Variants in DLG2 observed in about 807,000 individuals in gnomAD.
DLG2 encodes the protein disks large homolog 2.
In DLG2, 45 loss-of-function variants were observed where a neutral mutation model predicts 132.5. The ratio of observed to expected loss-of-function variants is 0.34; its 90% CI spans 0.27 to 0.44. DLG2 has a LOEUF of 0.44. DLG2 is among the 20% of genes least tolerant of loss of function. DLG2 has a pLI of 1.00. For missense variants in DLG2, 1,045 were observed against 1,196.9 expected (o/e 0.87, Z 1.87); for synonymous variants, 424 against 419.6 (o/e 1.01, Z -0.13).
At chr11:85,513,287 C>T (rs775861816) in intron 3 of DLG2, among the ~76,000 whole-genome samples, 11 of 151,946 alleles carry the variant, frequency 7.2e-5, no homozygotes, top group East Asian at 1.9e-4. Flanking sequence ...CAAACCTCAA[C>T]GTCATACAAT....
chr11:85,057,853 T>C (rs1440651982), intron 6 of DLG2, among the ~76,000 whole-genome samples: 2 of 151,498 alleles, frequency 1.3e-5, no homozygotes, highest in Non-Finnish European at 3.0e-5. Context: ...AAAAAAAATA[T>C]GGTAATTTTA....
At chr11:85,264,052 A>G (rs563499237) in intron 4 of DLG2, among the ~76,000 whole-genome samples, 1 of 152,252 alleles carries the variant, frequency 6.6e-6, no homozygotes, top group Admixed American at 6.5e-5. Flanking sequence ...GGTTATGTGT[A>G]GAGCAAGGTA....
At chr11:85,532,700 A>C (rs552276659) in intron 3 of DLG2, among the ~76,000 whole-genome samples, 8 of 152,292 alleles carry the variant, frequency 5.3e-5, no homozygotes, top group African/African-American at 1.9e-4. Context: ...ACTGGAAGAG[A>C]ATACTCTTCC....
chr11:85,027,992 G>C (rs1171784759), intron 6 of DLG2, among the ~76,000 whole-genome samples: 1 of 152,202 alleles, frequency 6.6e-6, no homozygotes, highest in Non-Finnish European at 1.5e-5. Flanking sequence ...GTAGAATGAG[G>C]TACATGGATA....
rs140667305 is a variant in DLG2, at chr11:84,579,188, C to CGTGTGTGTGT, written c.358-44467_358-44458dup. 1.4e-3 allele frequency among the ~76,000 whole-genome samples: 202 copies of CGTGTGTGTGT among 145,688 alleles called. 1 individual carries two copies. In the South Asian group the frequency reaches 0.017, roughly 12 times the overall value. ...GAACTAATACACCTTGCATTATTCA[C>CGTGTGTGTGT]GTGTGTGTGTGTGTGTGTGTGTGTG... On this transcript the variant is annotated intron_variant, in intron 6 of 27. Coordinates refer to ENST00000376104, the MANE Select transcript of DLG2 (RefSeq NM_001142699.3).
chr11:85,111,747 T>C lies in DLG2; in HGVS notation c.283-12A>G. On this transcript the variant is annotated splice_polypyrimidine_tract_variant and intron_variant, in intron 5 of 27. Transcript: ENST00000376104. ...CTGCCTTGGTTTTGCTGCAAATAAG[T>C]AAAAATTATATTATATTCTATTTAT... is the stretch of plus-strand genomic sequence containing the variant. 6.5e-7 allele frequency: 1 copy of C among 1,545,100 alleles called. No individual in the cohort carries two copies. Among genetic ancestry groups the C allele is most frequent in the South Asian group, 1.2e-5 (1 of 83,584 alleles).
chr11:83,739,134 CA>C (rs1329433639), intron 18 of DLG2, among the ~76,000 whole-genome samples: 4 of 152,078 alleles, frequency 2.6e-5, no homozygotes, highest in Non-Finnish European at 5.9e-5. Flanking sequence ...ACTGTGCCCC[CA>C]TTTGAATTCT....
intron 15 of DLG2, among the ~76,000 whole-genome samples, chr11:83,880,690 G>T (rs1031676913): frequency 1.3e-5 from 2 of 152,210 alleles, no homozygotes; most frequent in African/African-American, 2.4e-5. Context: ...AGAAGTGCAT[G>T]TGTGTAAAGG....
intron 18 of DLG2, among the ~76,000 whole-genome samples, chr11:83,656,449 TCTC>T (rs1029026374): frequency 9.9e-5 from 15 of 152,044 alleles, no homozygotes; most frequent in Non-Finnish European, 1.5e-4. Context: ...ACTCAGAACT[TCTC>T]CTCCTGAGCC....
rs1412374371 is a variant in DLG2 at position 84,648,777 on chromosome 11, G to GTGTA, written c.358-114047_358-114046insTACA. On this transcript the variant is annotated intron_variant, in intron 6 of 27. Transcript: ENST00000376104. ...TCTCTCTCTATATATACATGTGTGT[G>GTGTA]TATATATATATATATCTCACACACA... Among the ~76,000 whole-genome samples, 6 of 150,004 alleles carry GTGTA rather than the reference G, an allele frequency of 4.0e-5. No homozygotes were observed. In the East Asian group the frequency reaches 1.2e-3, roughly 29 times the overall value.
chr11:85,519,099 G>C (rs1185094480), intron 3 of DLG2, among the ~76,000 whole-genome samples: 1 of 152,186 alleles, frequency 6.6e-6, no homozygotes, highest in Non-Finnish European at 1.5e-5. Flanking sequence ...CACTAGGGCA[G>C]TGCAGAAGGG....
intron 7 of DLG2, among the ~76,000 whole-genome samples, chr11:84,406,071 T>C (rs898547700): frequency 1.3e-5 from 2 of 152,162 alleles, no homozygotes; most frequent in African/African-American, 4.8e-5. Context: ...TCATTTTCTT[T>C]ACAAGCAACT....
At chr11:84,992,285 T>C (rs940296034) in intron 6 of DLG2, among the ~76,000 whole-genome samples, 1 of 152,224 alleles carries the variant, frequency 6.6e-6, no homozygotes, top group East Asian at 1.9e-4. Context: ...TTGGATTGTG[T>C]GGTTATTTAT....
intron 7 of DLG2, among the ~76,000 whole-genome samples, chr11:84,339,608 C>T (rs545469065): frequency 6.6e-6 from 1 of 152,124 alleles, no homozygotes; most frequent in Non-Finnish European, 1.5e-5. Context: ...ATGATATACA[C>T]TTTTTCCAAT....
chr11:84,835,593 T>C (rs1438817224), intron 6 of DLG2, among the ~76,000 whole-genome samples: 1 of 151,756 alleles, frequency 6.6e-6, no homozygotes, highest in Non-Finnish European at 1.5e-5. Flanking sequence ...CACTAAATCT[T>C]GCCTATTGAA....
chr11:84,499,228 A>G (rs2099194792), intron 7 of DLG2, among the ~76,000 whole-genome samples: 1 of 152,190 alleles, frequency 6.6e-6, no homozygotes, highest in Non-Finnish European at 1.5e-5. Flanking sequence ...CTCCTCTATA[A>G]AACTGAATTG....
At chr11:84,924,154 T>C (rs1344757748) in intron 6 of DLG2, among the ~76,000 whole-genome samples, 1 of 152,176 alleles carries the variant, frequency 6.6e-6, no homozygotes, top group Non-Finnish European at 1.5e-5. Flanking sequence ...GTCATTCCTG[T>C]CAGGCACCGG....
At chr11:84,116,611 C>G (rs1299327591) in intron 9 of DLG2, among the ~76,000 whole-genome samples, 1 of 152,154 alleles carries the variant, frequency 6.6e-6, no homozygotes, top group Non-Finnish European at 1.5e-5. Flanking sequence ...ATTCAATTAC[C>G]TCCCACTAGG....
At chr11:84,972,083 C>T (rs567909125) in intron 6 of DLG2, among the ~76,000 whole-genome samples, 1 of 152,122 alleles carries the variant, frequency 6.6e-6, no homozygotes, top group Admixed American at 6.5e-5. Context: ...ATTTTAGATG[C>T]CACACAACAC....
Sources: allele counts gnomAD v4.1 joint callset (sites outside exome capture counted in the v4.1 genomes callset), GRCh38; gene constraint gnomAD v4.1.1; transcripts MANE v1.5; gene names NCBI Gene and HGNC (gene_info 2026-07-23, HGNC 2026-07-21).